Variants in FAM227B observed in about 807,000 individuals in gnomAD.
FAM227B encodes family with sequence similarity 227 member B.
FAM227B carries 88 observed loss-of-function variants against 73.8 expected under a neutral mutation model. The observed-to-expected ratio is 1.19, with a 90% CI of 1.00 to 1.42. The LOEUF is 1.42. Among genes scored for constraint, FAM227B ranks in the 40% most tolerant of loss-of-function variants. FAM227B has a pLI of 0.00. For synonymous variants in FAM227B, 210 were observed against 190.5 expected (o/e 1.10, Z -0.84); for missense variants, 632 against 590.9 (o/e 1.07, Z -0.72).
chr15:49,556,792 G>A (rs1200389994), intron 9 of FAM227B, among the ~76,000 whole-genome samples: 1 of 152,148 alleles, frequency 6.6e-6, no homozygotes, highest in Non-Finnish European at 1.5e-5. Context: ...TCAGGTATGG[G>A]TATTTCTGGT....
intron 11 of FAM227B, among the ~76,000 whole-genome samples, chr15:49,416,926 G>C (rs1310335744): frequency 6.6e-6 from 1 of 152,142 alleles, no homozygotes; most frequent in African/African-American, 2.4e-5. Flanking sequence ...CATGTTCATG[G>C]ATAGGAAGAA....
intron 3 of FAM227B, among the ~76,000 whole-genome samples, chr15:49,608,371 G>T (rs1412751495): frequency 6.6e-6 from 1 of 152,120 alleles, no homozygotes. Context: ...TAGAGATGGA[G>T]AAGGGAGAGT....
At chr15:49,544,743 T>C (rs561771314) in intron 9 of FAM227B, among the ~76,000 whole-genome samples, 105 of 152,230 alleles carry the variant, frequency 6.9e-4, no homozygotes, top group Non-Finnish European at 1.2e-3. Flanking sequence ...AAATAATTTT[T>C]CTGCATCTAT....
At chr15:49,583,609 AT>A (rs1223342643) in intron 5 of FAM227B, among the ~76,000 whole-genome samples, 2 of 148,180 alleles carry the variant, frequency 1.3e-5, no homozygotes, top group Non-Finnish European at 3.0e-5. Flanking sequence ...TGGAGTAGCC[AT>A]TTTTTCATTC....
intron 3 of FAM227B, among the ~76,000 whole-genome samples, chr15:49,590,462 G>A (rs550266483): frequency 6.6e-5 from 10 of 152,162 alleles, no homozygotes; most frequent in East Asian, 3.9e-4. Context: ...TTCAGTCTAC[G>A]ACAGTTCCAT....
intron 3 of FAM227B, among the ~76,000 whole-genome samples, chr15:49,608,684 C>A (rs1351484793): frequency 6.6e-6 from 1 of 151,948 alleles, no homozygotes; most frequent in Non-Finnish European, 1.5e-5. Flanking sequence ...TTATTATTTT[C>A]TCTATCATAA....
At chr15:49,459,506 TC>T (rs1264677791) in intron 11 of FAM227B, among the ~76,000 whole-genome samples, 1 of 152,194 alleles carries the variant, frequency 6.6e-6, no homozygotes, top group African/African-American at 2.4e-5. Context: ...AACCTGCATT[TC>T]AGCATTGTGT....
rs185086177 is a variant in FAM227B, at chr15:49,508,330, C to A, written c.893G>T (p.Gly298Val). The A allele has an allele frequency of 1.3e-4, 212 of 1,599,764 alleles. No homozygotes were observed. The highest frequency in any genetic ancestry group is 5.6e-4 in the Admixed American group (32 of 56,694). Residue 298 changes from glycine (G) to valine (V), a missense_variant, in exon 11 of 16, where the codon GGC becomes GTC. Physicochemically the swap from Gly to Val is moderately radical, Grantham distance 109. Coordinates refer to ENST00000299338, the MANE Select transcript of FAM227B (RefSeq NM_152647.3). ...TTTCAGTTTCCAGTGGATCCAAAAG[C>A]CTTTTTGAGGTTTTAAACCTGTTAA... The part of the protein sequence containing the change: ...LWCSGLKPQK[G>V]FWIHWKLKEL...
chr15:49,359,533 A>C (rs1445397746), intron 13 of FAM227B, among the ~76,000 whole-genome samples: 4 of 117,654 alleles, frequency 3.4e-5, no homozygotes, highest in African/African-American at 6.6e-5. Context: ...TCAAAACCAC[A>C]ATGAGATACC....
At chr15:49,612,243 T>A (rs934132744) in intron 2 of FAM227B, among the ~76,000 whole-genome samples, 28 of 152,120 alleles carry the variant, frequency 1.8e-4, no homozygotes, top group African/African-American at 6.3e-4. Flanking sequence ...CCCTCCCACC[T>A]GTCCCCACCC....
At position 49,327,392 on chromosome 15, in the gene FAM227B, T is replaced by TTTG. The variant is rs2037696787; in HGVS notation, c.*1173_*1175dup. 3.9e-5 allele frequency: 6 copies of TTTG among 152,212 alleles called. No individual in the cohort carries two copies. Among genetic ancestry groups the TTTG allele is most frequent in the Admixed American group, 2.6e-4 (4 of 15,286 alleles). The allele number at this position is 152,212 out of a possible 1,614,324, so 9.4% of individuals were successfully genotyped here. A position where few individuals can be genotyped will look rare whatever the true frequency, so the allele number is the denominator to read the frequency against. ...CAACCTGGAGTTTAATAACACGCTT[T>TTTG]TTGTTGATAAGTTTATTCAGTGAAC... On this transcript the variant is annotated 3_prime_UTR_variant, in exon 16 of 16. Transcript: ENST00000299338.
At chr15:49,564,444 A>G (rs2074483167) in intron 9 of FAM227B, among the ~76,000 whole-genome samples, 1 of 152,192 alleles carries the variant, frequency 6.6e-6, no homozygotes, top group Non-Finnish European at 1.5e-5. Flanking sequence ...CAAATAACTT[A>G]AAAAACAGAA....
chr15:49,591,272 G>A (rs896872082), intron 3 of FAM227B, among the ~76,000 whole-genome samples: 3 of 150,248 alleles, frequency 2.0e-5, no homozygotes, highest in African/African-American at 7.3e-5. Flanking sequence ...GACGGGGTTT[G>A]TGTTATCCAG....
At chr15:49,390,752 A>C (rs2047161969) in intron 11 of FAM227B, among the ~76,000 whole-genome samples, 1 of 152,048 alleles carries the variant, frequency 6.6e-6, no homozygotes, top group Non-Finnish European at 1.5e-5. Flanking sequence ...TATGTGAAAA[A>C]ATGGGCATAT....
intron 11 of FAM227B, among the ~76,000 whole-genome samples, chr15:49,500,131 T>C (rs2058019126): frequency 6.6e-6 from 1 of 152,236 alleles, no homozygotes; most frequent in Non-Finnish European, 1.5e-5. Flanking sequence ...CATGAATAAC[T>C]TTTTTCTAGG....
rs192674868 is a variant in FAM227B at position 49,595,702 on chromosome 15, T to C, written c.106-5695A>G. Among the ~76,000 whole-genome samples the C allele has an allele frequency of 5.9e-3, 848 of 144,590 alleles. 9 individuals carry two copies. The highest frequency in any genetic ancestry group is 0.021 in the African/African-American group (807 of 39,156). 94.9% of individuals were successfully genotyped at this position (144,590 alleles called of 152,430 possible). A position where few individuals can be genotyped will look rare whatever the true frequency, so the allele number is the denominator to read the frequency against. On this transcript the variant is annotated intron_variant, in intron 3 of 15. Coordinates refer to ENST00000299338, the MANE Select transcript of FAM227B (RefSeq NM_152647.3). ...GCACCGAGAAAGGGGAAAACAAACA[T>C]GAGGGAATTAAAATTAAATACAGAA...
chr15:49,599,251 T>C (rs1567675392), intron 3 of FAM227B, among the ~76,000 whole-genome samples: 1 of 152,070 alleles, frequency 6.6e-6, no homozygotes, highest in Non-Finnish European at 1.5e-5. Flanking sequence ...GGTAGCCTAC[T>C]ATAATTATTT....
At chr15:49,529,484 T>A (rs1394409006) in intron 10 of FAM227B, among the ~76,000 whole-genome samples, 1 of 151,728 alleles carries the variant, frequency 6.6e-6, no homozygotes, top group Non-Finnish European at 1.5e-5. Context: ...TAAAATAATC[T>A]AAAAATAAAC....
In FAM227B at chr15:49,327,828, C is replaced by A; in HGVS notation, c.*740G>T. On this transcript the variant is annotated 3_prime_UTR_variant, in exon 16 of 16. Coordinates refer to ENST00000299338, the MANE Select transcript of FAM227B (RefSeq NM_152647.3). The stretch of plus-strand genomic sequence containing the variant: ...CTTAATGTCCTAAAATGTTTGATGA[C>A]ACCTAAAAACCCCGCATGTATTTTC... 1.2e-6 allele frequency: 1 copy of A among 819,300 alleles called. No homozygotes were observed. Among genetic ancestry groups the A allele is most frequent in the Non-Finnish European group, 1.9e-6 (1 of 539,168 alleles). 50.8% of individuals were successfully genotyped at this position (819,300 alleles called of 1,614,324 possible).
Sources: allele counts gnomAD v4.1 joint callset (sites outside exome capture counted in the v4.1 genomes callset), GRCh38; gene constraint gnomAD v4.1.1; transcripts MANE v1.5; gene names NCBI Gene and HGNC (gene_info 2026-07-23, HGNC 2026-07-21).